The following SORBS2 variants were observed in gnomAD, a reference collection of about 807,000 sequenced individuals.
The protein encoded by SORBS2 is sorbin and SH3 domain containing 2, also known as sorbin and SH3 domain-containing protein 2.
A neutral mutation model predicts 97.7 loss-of-function variants in SORBS2; 46 were observed. The ratio of observed to expected loss-of-function variants is 0.47; its 90% CI spans 0.37 to 0.60. The LOEUF (loss-of-function observed/expected upper bound fraction) is 0.60. SORBS2 is among the 20% of genes least tolerant of loss of function. The pLI, the probability that SORBS2 is intolerant of heterozygous loss-of-function variation, is 0.00. For missense variants in SORBS2, 1,316 were observed against 1,282.3 expected (o/e 1.03, Z -0.40); for synonymous variants, 476 against 473.4 (o/e 1.01, Z -0.07).
At chr4:185,894,126 G>A (rs2149810328) in intron 1 of SORBS2, among the ~76,000 whole-genome samples, 1 of 152,226 alleles carries the variant, frequency 6.6e-6, no homozygotes, top group African/African-American at 2.4e-5. Flanking sequence ...ATATTTTAGG[G>A]TAAAATATTC....
At chr4:185,876,656 C>T (rs1260455206) in intron 1 of SORBS2, among the ~76,000 whole-genome samples, 1 of 152,206 alleles carries the variant, frequency 6.6e-6, no homozygotes, top group Non-Finnish European at 1.5e-5. Flanking sequence ...GGATTTACCT[C>T]CATGTCTGAA....
At position 185,671,913 on chromosome 4, in the gene SORBS2, C is replaced by T. The variant is rs139949195; in HGVS notation, c.-46+6510G>A. Reference sequence around the variant, plus strand: ...ATCTATTGGGAGATGTTGAAGAGGACGTTTTATTTGTAAACTCATGTTGGA... The same window carrying T: ...ATCTATTGGGAGATGTTGAAGAGGATGTTTTATTTGTAAACTCATGTTGGA... On this transcript the variant is annotated intron_variant, in intron 4 of 20. Coordinates refer to the SORBS2 transcript ENST00000284776. 5.3e-5 allele frequency among the ~76,000 whole-genome samples: 8 copies of T among 152,254 alleles called. No homozygotes were observed. In the East Asian group the frequency reaches 5.8e-4, roughly 11 times the overall value.
chr4:185,840,562 C>G (rs1244196056), intron 1 of SORBS2, among the ~76,000 whole-genome samples: 1 of 151,982 alleles, frequency 6.6e-6, no homozygotes, highest in Non-Finnish European at 1.5e-5. Flanking sequence ...TCCAACTAGG[C>G]AGGAGGAAAC....
chr4:185,870,292 G>T (rs2149739148), intron 1 of SORBS2, among the ~76,000 whole-genome samples: 1 of 152,312 alleles, frequency 6.6e-6, no homozygotes, highest in South Asian at 2.1e-4. Context: ...AAATCTTCAG[G>T]AGACGAGACA....
intron 2 of SORBS2, among the ~76,000 whole-genome samples, chr4:185,769,737 G>T (rs1272622809): frequency 2.0e-5 from 3 of 152,132 alleles, no homozygotes; most frequent in Admixed American, 1.3e-4. Flanking sequence ...TGATCCACCC[G>T]CCTTGGCCTC....
intron 1 of SORBS2, among the ~76,000 whole-genome samples, chr4:185,832,113 G>A (rs1190783088): frequency 6.6e-6 from 1 of 152,114 alleles, no homozygotes; most frequent in Non-Finnish European, 1.5e-5. Context: ...TTAACACTTG[G>A]TAAGGCAGCA....
exon 4 of SORBS2, chr4:185,646,764 T>C: frequency 6.2e-7 from 1 of 1,609,562 alleles, no homozygotes; most frequent in Admixed American, 1.7e-5. Context: ...CTTTTCTGTC[T>C]GGAGGATCCC....
intron 1 of SORBS2, among the ~76,000 whole-genome samples, chr4:185,872,325 A>T (rs1262272659): frequency 6.6e-6 from 1 of 152,168 alleles, no homozygotes; most frequent in African/African-American, 2.4e-5. Context: ...AATCTGGGTC[A>T]TTCCTCTTAT....
chr4:185,733,315 G>A (rs1402052423), intron 2 of SORBS2, among the ~76,000 whole-genome samples: 1 of 152,050 alleles, frequency 6.6e-6, no homozygotes, highest in South Asian at 2.1e-4. Flanking sequence ...GTGATATGTG[G>A]TGGTGGTAAA....
chr4:185,618,819 A>G (rs2096665933), intron 8 of SORBS2, among the ~76,000 whole-genome samples, 188 bp from the exon 21 acceptor site: 1 of 152,260 alleles, frequency 6.6e-6, no homozygotes, highest in South Asian at 2.1e-4. Context: ...TAATAGGAAT[A>G]TAATAGAAGG....
intron 7 of SORBS2, among the ~76,000 whole-genome samples, chr4:185,620,547 T>C (rs866074121): frequency 2.0e-5 from 3 of 152,152 alleles, no homozygotes; most frequent in African/African-American, 7.2e-5. Flanking sequence ...ATGGAGAATT[T>C]GAAAATAGCA....
chr4:185,926,075 T>C (rs1455874095), intron 1 of SORBS2, among the ~76,000 whole-genome samples: 1 of 151,870 alleles, frequency 6.6e-6, no homozygotes, highest in Non-Finnish European at 1.5e-5. Flanking sequence ...AGGTGGAGAG[T>C]AAGCTGAAAC....
intron 14 of SORBS2, among the ~76,000 whole-genome samples, chr4:185,588,920 T>C (rs935104229): frequency 1.3e-5 from 2 of 152,102 alleles, no homozygotes; most frequent in African/African-American, 4.8e-5. Flanking sequence ...CGGCCTTTTT[T>C]TCTTCTTTTA....
chr4:185,712,869 T>C (rs1263474989), intron 2 of SORBS2, among the ~76,000 whole-genome samples: 1 of 152,182 alleles, frequency 6.6e-6, no homozygotes, highest in Non-Finnish European at 1.5e-5. Context: ...GCATCGCTAC[T>C]GTCTCTTTAA....
At chr4:185,703,746 G>A (rs1342541730) in intron 2 of SORBS2, among the ~76,000 whole-genome samples, 1 of 152,198 alleles carries the variant, frequency 6.6e-6, no homozygotes, top group Non-Finnish European at 1.5e-5. Context: ...CCCATGTTCA[G>A]ATGTTTTGGA....
intron 1 of SORBS2, among the ~76,000 whole-genome samples, chr4:185,928,638 T>C (rs539639180): frequency 1.6e-3 from 244 of 152,160 alleles, no homozygotes; most frequent in African/African-American, 5.4e-3. Flanking sequence ...CTCTGCCTCC[T>C]GGGTTCATGC....
At chr4:185,622,640 G>A (rs2153422192) in intron 7 of SORBS2, among the ~76,000 whole-genome samples, 1 of 152,304 alleles carries the variant, frequency 6.6e-6, no homozygotes, top group East Asian at 1.9e-4. Context: ...CAACCCTAAT[G>A]CTGAGCTACA....
At chr4:185,765,252 G>A (rs1413774599) in intron 2 of SORBS2, among the ~76,000 whole-genome samples, 1 of 152,034 alleles carries the variant, frequency 6.6e-6, no homozygotes, top group Non-Finnish European at 1.5e-5. Context: ...AACACTATTT[G>A]GTTTTACTAG....
chr4:185,588,914 C>T (rs2095856420), intron 14 of SORBS2, among the ~76,000 whole-genome samples: 1 of 152,084 alleles, frequency 6.6e-6, no homozygotes, highest in African/African-American at 2.4e-5. Context: ...CGCACCCGGC[C>T]TTTTTTTCTT....
Sources: allele counts gnomAD v4.1 joint callset (sites outside exome capture counted in the v4.1 genomes callset), GRCh38; gene constraint gnomAD v4.1.1; transcripts MANE v1.5; gene names NCBI Gene and HGNC (gene_info 2026-07-23, HGNC 2026-07-21).